SLC7A11: variants seen among roughly 807,000 people sequenced by gnomAD.
SLC7A11 encodes the protein cystine/glutamate transporter.
Under a neutral mutation model 54.5 loss-of-function variants are expected in SLC7A11, and 35 were observed. That is an observed-to-expected ratio of 0.64 (90% confidence interval 0.49 to 0.85). The LOEUF is 0.85. Among genes scored for constraint, SLC7A11 ranks in the 40% least tolerant of loss-of-function variants. The pLI, the probability that SLC7A11 is intolerant of heterozygous loss-of-function variation, is 0.00. For synonymous variants in SLC7A11, 230 were observed against 225.2 expected (o/e 1.02, Z -0.19); for missense variants, 583 against 618.1 (o/e 0.94, Z 0.60).
rs185016347 is a variant in SLC7A11 at position 138,237,866 on chromosome 4, C to T, written c.278-1415G>A. On this transcript the variant is annotated intron_variant, in intron 1 of 11. Coordinates refer to ENST00000280612, the MANE Select transcript of SLC7A11 (RefSeq NM_014331.4). ...TCCAGGGTTCAAGTGATTCTCCTGCCTCAGCCTCTCAAGTAGTTGGGATTA... is the reference window on the plus strand; with the variant it reads ...TCCAGGGTTCAAGTGATTCTCCTGCTTCAGCCTCTCAAGTAGTTGGGATTA... Among the ~76,000 whole-genome samples, 516 of 146,340 alleles carry T rather than the reference C, an allele frequency of 3.5e-3. 1 individual carries two copies. Among genetic ancestry groups the T allele is most frequent in the African/African-American group, 0.011 (441 of 39,472 alleles).
intron 2 of SLC7A11, among the ~76,000 whole-genome samples, chr4:138,233,785 T>A (rs1054471977): frequency 6.6e-6 from 1 of 152,226 alleles, no homozygotes; most frequent in African/African-American, 2.4e-5. Context: ...GTTCAGGATA[T>A]GCAAAAAGCC....
At position 138,164,243 on chromosome 4, in the gene SLC7A11, CAA is replaced by C. The variant is rs1356103866; in HGVS notation, c.*7711_*7712del. 6.6e-6 allele frequency: 1 copy of C among 152,204 alleles called. No homozygotes were observed. Among genetic ancestry groups the C allele is most frequent in the African/African-American group, 2.4e-5 (1 of 41,432 alleles). 9.4% of individuals were successfully genotyped at this position (152,204 alleles called of 1,614,324 possible). On this transcript the variant is annotated 3_prime_UTR_variant, in exon 12 of 12. Transcript: ENST00000280612. ...AATACAACCAAAATTCAATTCAATG[CAA>C]AGTTGAATGACATCATATTGCACCA...
chr4:138,229,541 G>C (rs1438392925), intron 3 of SLC7A11, among the ~76,000 whole-genome samples: 1 of 152,130 alleles, frequency 6.6e-6, no homozygotes. Context: ...GAAATGTCTG[G>C]GTTCATCTAA....
At position 138,171,867 on chromosome 4, in the gene SLC7A11, G is replaced by A. The variant is rs1736433357; in HGVS notation, c.*89C>T. 1 of 1,504,452 alleles carries A rather than the reference G, an allele frequency of 6.6e-7. No individual in the cohort carries two copies. The highest frequency in any genetic ancestry group is 1.3e-5 in the South Asian group (1 of 75,958). The allele number at this position is 1,504,452 out of a possible 1,614,324, so 93.2% of individuals were successfully genotyped here. Reference sequence around the variant, plus strand: ...ACTCCTTTTGTTTATCACCAAAGTTGTAATTCTCTAGACTTTCAGAAAATG... The same window carrying A: ...ACTCCTTTTGTTTATCACCAAAGTTATAATTCTCTAGACTTTCAGAAAATG... On this transcript the variant is annotated 3_prime_UTR_variant, in exon 12 of 12. Coordinates refer to ENST00000280612, the MANE Select transcript of SLC7A11 (RefSeq NM_014331.4).
chr4:138,172,810 T>C (rs573805355), intron 11 of SLC7A11, among the ~76,000 whole-genome samples: 47 of 152,300 alleles, frequency 3.1e-4, no homozygotes, highest in African/African-American at 1.1e-3. Context: ...GACCTTGGTT[T>C]CTGGGGACAT....
Position 138,165,388 on chromosome 4 carries a change from G to A in SLC7A11, c.*6568C>T, listed in dbSNP as rs990976700. The A allele has an allele frequency of 6.6e-6, 1 of 152,626 alleles. No homozygotes were observed. Among genetic ancestry groups the A allele is most frequent in the East Asian group, 1.9e-4 (1 of 5,176 alleles). The allele number at this position is 152,626 out of a possible 1,614,324, so 9.5% of individuals were successfully genotyped here. On this transcript the variant is annotated 3_prime_UTR_variant, in exon 12 of 12. Coordinates refer to ENST00000280612, the MANE Select transcript of SLC7A11 (RefSeq NM_014331.4). ...AAGTTTGCCGAAGTATTCAGTACAA[G>A]AGGCCATTTGTCTTGCCTTTTTCTG...
intron 10 of SLC7A11, among the ~76,000 whole-genome samples, chr4:138,179,711 A>G (rs1164013825): frequency 6.6e-6 from 1 of 152,160 alleles, no homozygotes; most frequent in Non-Finnish European, 1.5e-5. Flanking sequence ...AAATGCCATG[A>G]TGATTTATGG....
intron 1 of SLC7A11, among the ~76,000 whole-genome samples, chr4:138,237,770 A>G (rs1738274492): frequency 9.3e-5 from 2 of 21,394 alleles, no homozygotes; most frequent in Non-Finnish European, 1.8e-4. Context: ...TTTTTTTTTG[A>G]GATGGAGTCT....
At chr4:138,223,157 G>A (rs1307320975) in intron 4 of SLC7A11, 42 bp downstream of exon 4, 1 of 1,581,022 alleles carries the variant, frequency 6.3e-7, no homozygotes, top group East Asian at 2.3e-5. Flanking sequence ...AAGACCAAAA[G>A]CAGATACGTA....
At chr4:138,181,924 T>G (rs1736752422) in intron 9 of SLC7A11, among the ~76,000 whole-genome samples, 1 of 152,164 alleles carries the variant, frequency 6.6e-6, no homozygotes, top group South Asian at 2.1e-4. Flanking sequence ...ATGATACATC[T>G]GGGTACTTTT....
chr4:138,219,883 A>G (rs890012352), intron 4 of SLC7A11, among the ~76,000 whole-genome samples: 7 of 151,526 alleles, frequency 4.6e-5, no homozygotes, highest in African/African-American at 1.7e-4. Context: ...CCTACCTCCT[A>G]GAAGAGAAGT....
At chr4:138,202,817 A>C (rs1737319850) in intron 6 of SLC7A11, among the ~76,000 whole-genome samples, 1 of 152,094 alleles carries the variant, frequency 6.6e-6, no homozygotes, top group South Asian at 2.1e-4. Context: ...AACTGTAGCC[A>C]CCTGACTCCA....
chr4:138,187,588 T>C (rs1167228502), intron 6 of SLC7A11, among the ~76,000 whole-genome samples: 1 of 152,200 alleles, frequency 6.6e-6, no homozygotes, highest in Non-Finnish European at 1.5e-5. Context: ...CCCTCAACTC[T>C]ATTACTTTTA....
At chr4:138,193,936 T>C (rs1009586683) in intron 6 of SLC7A11, among the ~76,000 whole-genome samples, 2 of 152,160 alleles carry the variant, frequency 1.3e-5, no homozygotes, top group Non-Finnish European at 2.9e-5. Flanking sequence ...TTCATACTCT[T>C]AGAGTAATTA....
intron 4 of SLC7A11, among the ~76,000 whole-genome samples, chr4:138,220,323 C>T (rs188686208): frequency 1.1e-4 from 16 of 152,224 alleles, no homozygotes; most frequent in Non-Finnish European, 1.8e-4. Flanking sequence ...TGAAGTATTG[C>T]CTATGGCTGA....
In SLC7A11 at chr4:138,170,250, G is replaced by GTGTATATATA. The variant is rs1443314500; in HGVS notation, c.*1705_*1706insTATATATACA. 2 of 74,106 alleles carry GTGTATATATA rather than the reference G, an allele frequency of 2.7e-5. No individual in the cohort carries two copies. Among genetic ancestry groups the GTGTATATATA allele is most frequent in the African/African-American group, 9.3e-5 (2 of 21,398 alleles). The allele number at this position is 74,106 out of a possible 1,614,324, so 4.6% of individuals were successfully genotyped here. On this transcript the variant is annotated 3_prime_UTR_variant, in exon 12 of 12. Coordinates refer to ENST00000280612, the MANE Select transcript of SLC7A11 (RefSeq NM_014331.4). ...ATATAAAAAGTGTGTGTGTGTGTGTGTATATATATATATATATATATACAC... is the reference window on the plus strand; with the variant it reads ...ATATAAAAAGTGTGTGTGTGTGTGTGTGTATATATATATATATATATATATATATATACAC...
At position 138,166,786 on chromosome 4, in the gene SLC7A11, A is replaced by T. The variant is rs962007373; in HGVS notation, c.*5170T>A. 2 of 152,260 alleles carry T rather than the reference A, an allele frequency of 1.3e-5. No homozygotes were observed. The highest frequency in any genetic ancestry group is 4.8e-5 in the African/African-American group (2 of 41,458). The allele number at this position is 152,260 out of a possible 1,614,324, so 9.4% of individuals were successfully genotyped here. On this transcript the variant is annotated 3_prime_UTR_variant, in exon 12 of 12. Transcript: ENST00000280612. Reference sequence around the variant, plus strand: ...TCTGTGTATTTTAAGGCCAATAGTAACAGAGAGGAGGGAAAAAAATAACTA... The same window carrying T: ...TCTGTGTATTTTAAGGCCAATAGTATCAGAGAGGAGGGAAAAAAATAACTA...
chr4:138,194,497 C>T (rs1737084646), intron 6 of SLC7A11, among the ~76,000 whole-genome samples: 1 of 152,108 alleles, frequency 6.6e-6, no homozygotes, highest in South Asian at 2.1e-4. Context: ...TCTAATGGCT[C>T]AGGGACTCTC....
chr4:138,237,716 TATATATATATATATATA>T (rs1560742455), intron 1 of SLC7A11, among the ~76,000 whole-genome samples: 1 of 7,500 alleles, frequency 1.3e-4, no homozygotes, highest in African/African-American at 4.1e-4. Context: ...TATATATATA[TATATATATATATATATA>T]TATATTTTTT....
Sources: gnomAD v4.1 joint callset for allele counts (sites outside exome capture counted in the v4.1 genomes callset) on GRCh38, gnomAD v4.1.1 for gene constraint, MANE v1.5 for transcripts, NCBI Gene and HGNC (gene_info 2026-07-23, HGNC 2026-07-21) for gene names.